Variants in B4GALT4 observed in about 807,000 individuals in gnomAD.
B4GALT4 encodes the protein beta-1,4-galactosyltransferase 4.
Under a neutral mutation model 37.3 loss-of-function variants are expected in B4GALT4, and 27 were observed. That is an observed-to-expected ratio of 0.72 (90% CI 0.53 to 1.00). The LOEUF is 1.00. Ranked by LOEUF, B4GALT4 falls within the 50% of genes least tolerant of loss-of-function variation. The pLI is 0.00. For synonymous variants in B4GALT4, 148 were observed against 154.1 expected (o/e 0.96, Z 0.29); for missense variants, 372 against 413.1 (o/e 0.90, Z 0.86).
At chr3:119,231,679 CTCT>C (rs934321798) in intron 2 of B4GALT4, among the ~76,000 whole-genome samples, 6 of 147,548 alleles carry the variant, frequency 4.1e-5, no homozygotes, top group Non-Finnish European at 3.0e-5. Context: ...TTTATTTTTT[CTCT>C]TTTCTTTTTA....
intron 7 of B4GALT4, chr3:119,213,053 T>C (rs950917322): frequency 1.2e-5 from 2 of 160,074 alleles, no homozygotes; most frequent in African/African-American, 4.8e-5. Context: ...AAGGAAAGTT[T>C]GTCTGTAGGT....
At position 119,224,080 on chromosome 3, in the gene B4GALT4, C is replaced by G. The variant is rs1343998736; in HGVS notation, c.652G>C (p.Gly218Arg). 1 of 1,613,432 alleles carries G rather than the reference C, an allele frequency of 6.2e-7. No individual in the cohort carries two copies. Among genetic ancestry groups the G allele is most frequent in the African/African-American group, 1.3e-5 (1 of 74,880 alleles). Residue 218 changes from glycine to arginine, a missense_variant, in exon 5 of 8, where the codon GGC (glycine) becomes CGC (arginine). By Grantham distance (125) the Gly-to-Arg change is moderately radical. Transcript: ENST00000393765. ...CEEHPKHLVV[G>R]RNSTGYRLRY... is the part of the protein sequence containing the mutation. Reference sequence around the variant, plus strand: ...TACCTGTACCCAGTGCTGTTCCTGCCAACCACCAGATGCTTGGGATGCTCC... The same window carrying G: ...TACCTGTACCCAGTGCTGTTCCTGCGAACCACCAGATGCTTGGGATGCTCC...
chr3:119,217,660 G>T (rs940279476), intron 6 of B4GALT4, among the ~76,000 whole-genome samples: 1 of 152,012 alleles, frequency 6.6e-6, no homozygotes, highest in Admixed American at 6.6e-5. Flanking sequence ...GGCCAATATG[G>T]TGAAACCTGG....
Position 119,211,993 on chromosome 3 carries a change from CCTG to C in B4GALT4, c.*553_*555del. On this transcript the variant is annotated 3_prime_UTR_variant, in exon 8 of 8. Transcript: ENST00000393765. ...GCCTTTGCAGCCGACACTCCACCCT[CCTG>C]CTACCTCTTCATTCCCAAGTTCACT... The C allele has an allele frequency of 1.7e-6, 1 of 600,252 alleles. No individual in the cohort carries two copies. Among genetic ancestry groups the C allele is most frequent in the East Asian group, 2.8e-5 (1 of 36,194 alleles). 37.2% of individuals were successfully genotyped at this position (600,252 alleles called of 1,614,324 possible).
In B4GALT4 at chr3:119,224,132, C is replaced by T; in HGVS notation, c.600G>A (p.Glu200=). The change falls in exon 5 of 8, where the codon GAG becomes GAA. Residue 200 remains glutamate (E), a synonymous_variant. Coordinates refer to ENST00000393765, the MANE Select transcript of B4GALT4 (RefSeq NM_003778.4). ...CACACTTGTAAAGGTTAAAGTCATT[C>T]TCGGGTACCAGGTCCACATCGTGGA... The part of the protein sequence containing the change: ...FIFHDVDLVP[E]NDFNLYKCEE... 1.9e-6 allele frequency: 3 copies of T among 1,614,110 alleles called. No homozygotes were observed. The highest frequency in any genetic ancestry group is 2.5e-6 in the Non-Finnish European group (3 of 1,180,014).
chr3:119,212,710 A>G (rs775125026), intron 7 of B4GALT4, 29 bp from the exon 8 acceptor site: 51 of 1,562,716 alleles, frequency 3.3e-5, no homozygotes, highest in South Asian at 2.9e-4. Context: ...AATGTGAATG[A>G]TAAGAATTTA....
In B4GALT4 at chr3:119,212,580, T is replaced by A; in HGVS notation, c.1004A>T (p.Asn335Ile). Reference protein sequence around the residue: ...VSVEHNPLYINITVDFWFGA With the variant: ...VSVEHNPLYIIITVDFWFGA ...ACCAAACCAGAAATCCACTGTGATG[T>A]TGATATATAAAGGATTGTGTTCCAC... The change falls in exon 8 of 8, where the codon AAC becomes ATC. Residue 335 changes from asparagine to isoleucine, a missense_variant. Coordinates refer to ENST00000393765, the MANE Select transcript of B4GALT4 (RefSeq NM_003778.4). The A allele has an allele frequency of 6.2e-7, 1 of 1,609,812 alleles. No individual in the cohort carries two copies. The highest frequency in any genetic ancestry group is 8.5e-7 in the Non-Finnish European group (1 of 1,178,742).
At chr3:119,218,578 A>T in intron 6 of B4GALT4, 72 bp downstream of exon 6, 1 of 1,592,622 alleles carries the variant, frequency 6.3e-7, no homozygotes, top group South Asian at 1.1e-5. Flanking sequence ...TAAAGGAATA[A>T]ATATAAATGC....
At chr3:119,222,272 C>T (rs4072632) in intron 5 of B4GALT4, among the ~76,000 whole-genome samples, 1 of 152,162 alleles carries the variant, frequency 6.6e-6, no homozygotes. Flanking sequence ...TTTGAAAAAA[C>T]CAAGTTGCCC....
chr3:119,237,850 G>T (rs1052943204), intron 1 of B4GALT4, among the ~76,000 whole-genome samples: 3 of 152,076 alleles, frequency 2.0e-5, no homozygotes, highest in Non-Finnish European at 4.4e-5. Context: ...TAACAATAGC[G>T]ATCTGATTTA....
At chr3:119,219,627 T>A (rs2078393641) in intron 5 of B4GALT4, among the ~76,000 whole-genome samples, 1 of 151,760 alleles carries the variant, frequency 6.6e-6, no homozygotes, top group Admixed American at 6.6e-5. Flanking sequence ...GTGAGAAGAG[T>A]ACAAAGGGTA....
intron 5 of B4GALT4, among the ~76,000 whole-genome samples, chr3:119,222,561 TC>T (rs1355758626): frequency 6.6e-6 from 1 of 152,038 alleles, no homozygotes; most frequent in Non-Finnish European, 1.5e-5. Context: ...TGTCAACAGC[TC>T]CCCAACCCCT....
At chr3:119,218,551 C>CCTGCTGGA in intron 6 of B4GALT4, 99 bp downstream of exon 6, 1 of 1,529,796 alleles carries the variant, frequency 6.5e-7, no homozygotes, top group Non-Finnish European at 8.9e-7. Context: ...AGCCTAGTGA[C>CCTGCTGGA]CTGCTGGACT....
At chr3:119,219,364 C>G (rs2078381479) in intron 5 of B4GALT4, among the ~76,000 whole-genome samples, 1 of 152,150 alleles carries the variant, frequency 6.6e-6, no homozygotes, top group Non-Finnish European at 1.5e-5. Context: ...GGCCTGCCAA[C>G]CAGACAGAGT....
At chr3:119,235,334 C>T (rs1433268177) in intron 2 of B4GALT4, 1 of 152,190 alleles carries the variant, frequency 6.6e-6, no homozygotes, top group Non-Finnish European at 1.5e-5. Flanking sequence ...CACCATGTAT[C>T]ACTCTAAAAA....
In B4GALT4 at chr3:119,212,132, G is replaced by A. The variant is rs751207942; in HGVS notation, c.*417C>T. ...AAATGAATAACAGTATTGTATCTTCGTACCTTTCTACCTTGGACGAGAACA... is the reference window on the plus strand; with the variant it reads ...AAATGAATAACAGTATTGTATCTTCATACCTTTCTACCTTGGACGAGAACA... On this transcript the variant is annotated 3_prime_UTR_variant, in exon 8 of 8. Transcript: ENST00000393765. 17 of 702,788 alleles carry A rather than the reference G, an allele frequency of 2.4e-5. No individual in the cohort carries two copies. The highest frequency in any genetic ancestry group is 2.9e-5 in the Non-Finnish European group (11 of 384,998). The allele number at this position is 702,788 out of a possible 1,614,324, so 43.5% of individuals were successfully genotyped here.
In B4GALT4 at chr3:119,212,173, G is replaced by A. The variant is rs756389578; in HGVS notation, c.*376C>T. 1.7e-5 allele frequency: 12 copies of A among 703,022 alleles called. No homozygotes were observed. In the South Asian group the frequency reaches 1.8e-4, roughly 10 times the overall value. 43.5% of individuals were successfully genotyped at this position (703,022 alleles called of 1,614,324 possible). A position where few individuals can be genotyped will look rare whatever the true frequency, so the allele number is the denominator to read the frequency against. ...GACGAGAACAACTCTGGTTCTCTCA[G>A]ACATTCAGCAGTCTTATTTCCTGTG... is the stretch of plus-strand genomic sequence containing the variant. On this transcript the variant is annotated 3_prime_UTR_variant, in exon 8 of 8. Coordinates refer to ENST00000393765, the MANE Select transcript of B4GALT4 (RefSeq NM_003778.4).
chr3:119,230,170 TC>T lies in B4GALT4; in HGVS notation c.-72del. On this transcript the variant is annotated 5_prime_UTR_variant, in exon 3 of 8. Transcript: ENST00000393765. ...GCAAGAAAGCTTCAAGTTGAGCTTTTCCAATCTGATTGCGAACTTGATGACA... is the reference window on the plus strand; with the variant it reads ...GCAAGAAAGCTTCAAGTTGAGCTTTTCAATCTGATTGCGAACTTGATGACA... The T allele has an allele frequency of 6.4e-7, 1 of 1,562,856 alleles. No homozygotes were observed. The highest frequency in any genetic ancestry group is 8.7e-7 in the Non-Finnish European group (1 of 1,150,046).
At position 119,212,481 on chromosome 3, in the gene B4GALT4, A is replaced by T; in HGVS notation, c.*68T>A. ...GGTTCTTAATGTGTGCTACTATTTG[A>T]AGTCTCTAGGCCAAAATTATTGCAA... On this transcript the variant is annotated 3_prime_UTR_variant, in exon 8 of 8. Transcript: ENST00000393765. 1 of 1,482,854 alleles carries T rather than the reference A, an allele frequency of 6.7e-7. No individual in the cohort carries two copies. Among genetic ancestry groups the T allele is most frequent in the Non-Finnish European group, 9.1e-7 (1 of 1,102,190 alleles). The allele number at this position is 1,482,854 out of a possible 1,614,324, so 91.9% of individuals were successfully genotyped here.
Sources: gnomAD v4.1 joint callset for allele counts (sites outside exome capture counted in the v4.1 genomes callset) on GRCh38, gnomAD v4.1.1 for gene constraint, MANE v1.5 for transcripts, NCBI Gene and HGNC (gene_info 2026-07-23, HGNC 2026-07-21) for gene names.